Variants in ECM2 observed in about 807,000 individuals in gnomAD.
ECM2 encodes the protein extracellular matrix protein 2, also known as extracellular matrix protein 2, female organ and adipocyte specific.
Under a neutral mutation model 67.5 loss-of-function variants are expected in ECM2, and 57 were observed. The observed-to-expected ratio is 0.84, with a 90% confidence interval of 0.68 to 1.05. The LOEUF is 1.05. Among genes scored for constraint, ECM2 ranks in the 50% least tolerant of loss-of-function variants. The pLI, the probability that ECM2 is intolerant of heterozygous loss-of-function variation, is 0.00. For synonymous variants in ECM2, 258 were observed against 294.5 expected, an observed-to-expected ratio of 0.88 and a Z score of 1.27; for missense variants, 741 against 822.8, an observed-to-expected ratio of 0.90 and a Z score of 1.22.
chr9:92,539,350 C>A (rs890259103), upstream of ECM2, among the ~76,000 whole-genome samples: 6 of 142,528 alleles, frequency 4.2e-5, no homozygotes, highest in East Asian at 8.9e-4. Context: ...CCCGCTCCCC[C>A]ACCCCCCACC....
the ECM2 span, among the ~76,000 whole-genome samples, chr9:92,552,886 G>A: frequency 1.3e-5 from 2 of 151,586 alleles, no homozygotes; most frequent in African/African-American, 4.8e-5. Flanking sequence ...TTTGCTTTTG[G>A]GTTCTTGGTC....
intron 8 of ECM2, among the ~76,000 whole-genome samples, chr9:92,502,115 A>C (rs1221449087): frequency 6.6e-6 from 1 of 152,190 alleles, no homozygotes; most frequent in Admixed American, 6.5e-5. Flanking sequence ...GTGCAGGGGA[A>C]TAATCCTTCA....
chr9:92,501,224 A>C (rs542048271), intron 8 of ECM2, among the ~76,000 whole-genome samples, 171 bp from the exon 9 acceptor site: 3 of 152,276 alleles, frequency 2.0e-5, no homozygotes, highest in East Asian at 1.9e-4. Flanking sequence ...AGTCTCTTGC[A>C]CCAAGCTGCA....
At chr9:92,531,404 A>G (rs938948831) in intron 1 of ECM2, among the ~76,000 whole-genome samples, 3 of 152,170 alleles carry the variant, frequency 2.0e-5, no homozygotes, top group Non-Finnish European at 4.4e-5. Context: ...ATCCCAGTAT[A>G]TATTCTGTTT....
At chr9:92,558,716 C>T in the ECM2 span, among the ~76,000 whole-genome samples, 3 of 152,094 alleles carry the variant, frequency 2.0e-5, no homozygotes, top group Admixed American at 2.0e-4. Flanking sequence ...ACTATAGGCC[C>T]TTTGTCTTCA....
Position 92,514,850 on chromosome 9 carries a change from C to T in ECM2, c.835G>A (p.Gly279Ser), listed in dbSNP as rs770405287. Residue 279 changes from glycine to serine, a missense_variant, in exon 4 of 10, where the codon GGT (glycine) becomes AGT (serine). Physicochemically the swap from Gly to Ser is moderately conservative, Grantham distance 56 (BLOSUM62 0). Coordinates refer to ENST00000344604, the MANE Select transcript of ECM2 (RefSeq NM_001393.4). ...TCCTCATCCTCCTCACCCTCCTCAC[C>T]CTCCTCCTCCTCATCCTCCTCCTCC... is the stretch of plus-strand genomic sequence containing the variant. ...REEEEDEEEEGEEGEEDEEDE... is the reference protein window; with the variant it reads ...REEEEDEEEESEEGEEDEEDE... The T allele has an allele frequency of 1.1e-5, 18 of 1,609,678 alleles. No homozygotes were observed. The highest frequency in any genetic ancestry group is 1.3e-5 in the Non-Finnish European group (15 of 1,177,554).
chr9:92,494,050 T>G, downstream of ECM2: 1 of 1,594,830 alleles, frequency 6.3e-7, no homozygotes, highest in Non-Finnish European at 8.5e-7. Flanking sequence ...ACTTGCCTGC[T>G]TACTTGTCTG....
chr9:92,523,031 T>TCC, intron 1 of ECM2, 138 bp from the exon 2 acceptor site: 1 of 846,742 alleles, frequency 1.2e-6, no homozygotes, highest in Non-Finnish European at 1.7e-6. Context: ...TATGCTATAG[T>TCC]ATTATTGCCA....
chr9:92,500,621 A>ATT, intron 9 of ECM2, 106 bp downstream of exon 9: 1 of 1,164,754 alleles, frequency 8.6e-7, no homozygotes, highest in South Asian at 1.6e-5. Flanking sequence ...CCTTAGCACC[A>ATT]TTTTTTTTTC....
At chr9:92,552,190 T>TACACACACACACAC in the ECM2 span, among the ~76,000 whole-genome samples, 2 of 106,412 alleles carry the variant, frequency 1.9e-5, no homozygotes, top group African/African-American at 4.0e-5. Flanking sequence ...ATCTATCATA[T>TACACACACACACAC]ACACACACAC....
At chr9:92,524,682 G>A (rs1183522063) in intron 1 of ECM2, among the ~76,000 whole-genome samples, 1 of 152,174 alleles carries the variant, frequency 6.6e-6, no homozygotes, top group East Asian at 1.9e-4. Flanking sequence ...TACACAGCCA[G>A]TATGGAGGAG....
At chr9:92,504,838 A>G (rs1411941867) in intron 7 of ECM2, among the ~76,000 whole-genome samples, 1 of 152,056 alleles carries the variant, frequency 6.6e-6, no homozygotes, top group East Asian at 1.9e-4. Context: ...TGCACGGTCC[A>G]CCTCAGTGTT....
chr9:92,558,953 A>G, the ECM2 span, among the ~76,000 whole-genome samples: 1 of 151,994 alleles, frequency 6.6e-6, no homozygotes, highest in African/African-American at 2.4e-5. Flanking sequence ...TTCCCACGCA[A>G]ACTGCAAACT....
chr9:92,508,762 C>A (rs902563032), intron 6 of ECM2, among the ~76,000 whole-genome samples: 1 of 152,022 alleles, frequency 6.6e-6, no homozygotes, highest in Admixed American at 6.6e-5. Flanking sequence ...TTTCTCAATA[C>A]CAGAAGTGTT....
chr9:92,555,214 ATTTTTTTTTTTTTTTTTT>A, the ECM2 span, among the ~76,000 whole-genome samples: 5,795 of 63,752 alleles, frequency 0.091, 267 homozygotes, highest in South Asian at 0.25. Context: ...TTTTTTGGAA[ATTTTTTTTTTTTTTTTTT>A]TTTTTTTTTT....
chr9:92,515,527 A>C (rs186866948), intron 3 of ECM2, among the ~76,000 whole-genome samples: 1 of 152,342 alleles, frequency 6.6e-6, no homozygotes, highest in Admixed American at 6.5e-5. Context: ...CAAAATGGTA[A>C]GCAATCCTGT....
intron 5 of ECM2, 121 bp from the exon 6 acceptor site, chr9:92,510,155 G>T: frequency 3.6e-6 from 4 of 1,116,648 alleles, no homozygotes; most frequent in Non-Finnish European, 4.9e-6. Flanking sequence ...AGACAGTAAT[G>T]TCCAGGCCAC....
At chr9:92,539,350 C>G (rs890259103), upstream of ECM2, among the ~76,000 whole-genome samples, 6 of 142,528 alleles carry the variant, frequency 4.2e-5, no homozygotes, top group African/African-American at 1.5e-4. Flanking sequence ...CCCGCTCCCC[C>G]ACCCCCCACC....
At chr9:92,513,900 T>C (rs1276640255) in intron 4 of ECM2, among the ~76,000 whole-genome samples, 1 of 152,238 alleles carries the variant, frequency 6.6e-6, no homozygotes, top group African/African-American at 2.4e-5. Flanking sequence ...TAAGTTTTAC[T>C]ACATATAAAT....
Sources: gnomAD v4.1 joint callset for allele counts (sites outside exome capture counted in the v4.1 genomes callset) on GRCh38, gnomAD v4.1.1 for gene constraint, MANE v1.5 for transcripts, NCBI Gene and HGNC (gene_info 2026-07-23, HGNC 2026-07-21) for gene names.